The following LRIG2 variants were observed in gnomAD, a reference collection of about 807,000 sequenced individuals.
LRIG2 encodes leucine-rich repeats and immunoglobulin-like domains protein 2.
Under a neutral mutation model 107.8 loss-of-function variants are expected in LRIG2, and 93 were observed. That is an observed-to-expected ratio of 0.86 (90% CI 0.73 to 1.03). LRIG2 has a LOEUF of 1.03. LRIG2 is among the 50% of genes least tolerant of loss of function. The pLI is 0.00. For missense variants in LRIG2, 1,226 were observed against 1,296.0 expected, an observed-to-expected ratio of 0.95 and a Z score of 0.83; for synonymous variants, 471 against 470.6, an observed-to-expected ratio of 1.00 and a Z score of -0.01.
Position 113,110,406 on chromosome 1 carries a change from TTTG to T in LRIG2, c.1645_1647del (p.Val549del). On this transcript the variant is annotated inframe_deletion, in exon 13 of 18. Transcript: ENST00000361127. ...CCTGTATGACGTGGATACTGAGAATTTTGTTCGTTATTGGCAGCAAGCTGGAGA... is the reference window on the plus strand; with the variant it reads ...CCTGTATGACGTGGATACTGAGAATTTTCGTTATTGGCAGCAAGCTGGAGA... The T allele has an allele frequency of 6.2e-7, 1 of 1,614,164 alleles. No individual in the cohort carries two copies. The highest frequency in any genetic ancestry group is 1.1e-5 in the South Asian group (1 of 91,082).
At position 113,107,637 on chromosome 1, in the gene LRIG2, T is replaced by C. The variant is rs764787961; in HGVS notation, c.1357T>C (p.Trp453Arg). ...SSLLCDCHLK[W>R]LLQWLVDNNF... ...TTTGCTCTGTGACTGCCATTTGAAG[T>C]GGCTACTTCAATGGTTGGTTGATAA... The change falls in exon 12 of 18, where the codon TGG becomes CGG. Residue 453 changes from tryptophan (W) to arginine (R), a missense_variant. Trp to Arg is a moderately radical substitution (Grantham distance 101). Coordinates refer to ENST00000361127, the MANE Select transcript of LRIG2 (RefSeq NM_014813.3). 1.9e-6 allele frequency: 3 copies of C among 1,613,686 alleles called. No homozygotes were observed. Among genetic ancestry groups the C allele is most frequent in the Non-Finnish European group, 2.5e-6 (3 of 1,179,882 alleles).
chr1:113,100,667 G>C (rs1654267583), intron 11 of LRIG2, 179 bp downstream of exon 11: 2 of 475,232 alleles, frequency 4.2e-6, no homozygotes, highest in South Asian at 6.0e-5. Flanking sequence ...AGCCAACATT[G>C]AAAAGCCCAG....
intron 1 of LRIG2, among the ~76,000 whole-genome samples, chr1:113,076,239 C>T (rs1652979208): frequency 6.6e-6 from 1 of 152,172 alleles, no homozygotes; most frequent in Non-Finnish European, 1.5e-5. Flanking sequence ...CTCCTGACCT[C>T]AGGTGATCTG....
At chr1:113,088,477 A>T (rs960128779) in intron 1 of LRIG2, among the ~76,000 whole-genome samples, 1 of 152,198 alleles carries the variant, frequency 6.6e-6, no homozygotes, top group Non-Finnish European at 1.5e-5. Flanking sequence ...TGGGTCAATG[A>T]TTATTGACAA....
At chr1:113,110,875 C>G (rs1451445014) in intron 13 of LRIG2, among the ~76,000 whole-genome samples, 1 of 152,134 alleles carries the variant, frequency 6.6e-6, no homozygotes, top group Non-Finnish European at 1.5e-5. Flanking sequence ...CCATAAATCT[C>G]TCTTGATAAC....
chr1:113,097,858 T>A (rs1300108969), intron 8 of LRIG2, among the ~76,000 whole-genome samples: 1 of 152,156 alleles, frequency 6.6e-6, no homozygotes, highest in African/African-American at 2.4e-5. Context: ...GTTGAGCCAT[T>A]GGTTCTTTCA....
Position 113,088,932 on chromosome 1 carries a change from C to T in LRIG2, c.240-2386C>T, listed in dbSNP as rs150276127. On this transcript the variant is annotated intron_variant, in intron 1 of 17. Transcript: ENST00000361127. ...TTTTATCTTTTATATTTTCTGACAC[C>T]CTCCTCCATTCATGAGTGTCCTTGA... 7.0e-3 allele frequency among the ~76,000 whole-genome samples: 1,058 copies of T among 152,022 alleles called. 16 individuals carry two copies. The highest frequency in any genetic ancestry group is 0.024 in the African/African-American group (1,001 of 41,460).
rs772631239 is a variant in LRIG2, at chr1:113,124,098, A to G, written c.3195A>G (p.Thr1065=). 6.2e-7 allele frequency: 1 copy of G among 1,613,160 alleles called. No homozygotes were observed. The highest frequency in any genetic ancestry group is 2.2e-5 in the East Asian group (1 of 44,882). The change falls in exon 18 of 18, where the codon ACA becomes ACG. Residue 1065 remains threonine (T), a synonymous_variant. Coordinates refer to ENST00000361127, the MANE Select transcript of LRIG2 (RefSeq NM_014813.3). The part of the protein sequence containing the change: ...TRNIQDGSEG[T] Reference sequence around the variant, plus strand: ...ACATTCAAGATGGTAGTGAGGGCACATGAAACTCACTTCAGGATGAAATCT... The same window carrying G: ...ACATTCAAGATGGTAGTGAGGGCACGTGAAACTCACTTCAGGATGAAATCT...
At chr1:113,082,680 GTC>G (rs936662268) in intron 1 of LRIG2, among the ~76,000 whole-genome samples, 1 of 152,114 alleles carries the variant, frequency 6.6e-6, no homozygotes, top group South Asian at 2.1e-4. Context: ...TTGAGACGAA[GTC>G]TCTCTCTGTT....
At chr1:113,096,835 G>C (rs886168220) in intron 8 of LRIG2, among the ~76,000 whole-genome samples, 1 of 152,168 alleles carries the variant, frequency 6.6e-6, no homozygotes, top group African/African-American at 2.4e-5. Context: ...ATATGTGCCA[G>C]GTACTTTCAA....
intron 1 of LRIG2, among the ~76,000 whole-genome samples, chr1:113,086,931 A>T (rs1179303839): frequency 6.6e-6 from 1 of 152,204 alleles, no homozygotes; most frequent in Non-Finnish European, 1.5e-5. Flanking sequence ...GTTTAAGTTT[A>T]TTAAGCATTA....
chr1:113,100,594 C>T (rs1410145730), intron 11 of LRIG2, 106 bp downstream of exon 11: 1 of 632,156 alleles, frequency 1.6e-6, no homozygotes, highest in Non-Finnish European at 2.8e-6. Context: ...GCACACAGTT[C>T]AGGCAGGAAA....
At chr1:113,118,821 C>T (rs903643476) in intron 16 of LRIG2, among the ~76,000 whole-genome samples, 1 of 152,152 alleles carries the variant, frequency 6.6e-6, no homozygotes, top group African/African-American at 2.4e-5. Flanking sequence ...CACGCCACCA[C>T]GCCTGGCTAA....
At chr1:113,112,456 C>T (rs1364413524) in intron 13 of LRIG2, 23 bp from the exon 14 acceptor site, 2 of 1,586,236 alleles carry the variant, frequency 1.3e-6, no homozygotes, top group South Asian at 2.3e-5. Context: ...CCCACTTTTT[C>T]TTGGTGATTT....
intron 1 of LRIG2, among the ~76,000 whole-genome samples, chr1:113,080,255 G>A (rs1225550061): frequency 1.3e-5 from 2 of 151,928 alleles, no homozygotes; most frequent in African/African-American, 4.8e-5. Context: ...TCCTGACCTC[G>A]TGATTGGCCC....
chr1:113,120,919 A>G (rs560093513), intron 17 of LRIG2, among the ~76,000 whole-genome samples: 1 of 151,658 alleles, frequency 6.6e-6, no homozygotes, highest in Admixed American at 6.6e-5. Flanking sequence ...CCCAGGTTCA[A>G]GCGATTTTCC....
At chr1:113,111,454 G>GT (rs1283421479) in intron 13 of LRIG2, among the ~76,000 whole-genome samples, 4 of 152,164 alleles carry the variant, frequency 2.6e-5, no homozygotes, top group South Asian at 4.1e-4. Context: ...CTAATGTGTA[G>GT]TTTTTTATCC....
chr1:113,073,709 G>GCTC, intron 1 of LRIG2, 64 bp downstream of exon 1: 1 of 1,460,536 alleles, frequency 6.8e-7, no homozygotes, highest in Non-Finnish European at 9.4e-7. Context: ...CAGGGGGCAG[G>GCTC]CAGGAGGGAG....
At chr1:113,073,679 G>A (rs1652819085) in intron 1 of LRIG2, 34 bp downstream of exon 1, 3 of 1,584,200 alleles carry the variant, frequency 1.9e-6, no homozygotes, top group Middle Eastern at 1.7e-4. Context: ...TGACCAAAAG[G>A]AGGGGGAGCC....
Sources: allele counts gnomAD v4.1 joint callset (sites outside exome capture counted in the v4.1 genomes callset), GRCh38; gene constraint gnomAD v4.1.1; transcripts MANE v1.5; gene names NCBI Gene and HGNC (gene_info 2026-07-23, HGNC 2026-07-21).